Variants in VPS37C observed in about 807,000 individuals in gnomAD.
VPS37C encodes VPS37C subunit of ESCRT-I.
Under a neutral mutation model 16.1 loss-of-function variants are expected in VPS37C, and 9 were observed. The ratio of observed to expected loss-of-function variants is 0.56; its 90% CI spans 0.34 to 0.97. VPS37C has a LOEUF of 0.97. Among genes scored for constraint, VPS37C ranks in the 50% least tolerant of loss-of-function variants. The pLI is 0.02. For synonymous variants in VPS37C, 207 were observed against 206.4 expected (o/e 1.00, Z -0.02); for missense variants, 479 against 472.7 (o/e 1.01, Z -0.12).
chr11:61,138,918 A>T (rs1861427015), intron 1 of VPS37C, 83 bp from the exon 2 acceptor site: 1 of 1,315,676 alleles, frequency 7.6e-7, no homozygotes, highest in Non-Finnish European at 1.1e-6. Context: ...ATTTATCAAA[A>T]ACAAACTGGA....
At chr11:61,146,026 T>C (rs913043489) in intron 1 of VPS37C, among the ~76,000 whole-genome samples, 19 of 152,204 alleles carry the variant, frequency 1.2e-4, no homozygotes, top group African/African-American at 4.6e-4. Context: ...GGAGAATGTC[T>C]CACTCATCTT....
At chr11:61,159,168 C>T (rs902813834) in intron 1 of VPS37C, among the ~76,000 whole-genome samples, 1 of 152,156 alleles carries the variant, frequency 6.6e-6, no homozygotes, top group Non-Finnish European at 1.5e-5. Flanking sequence ...GGCAAATTAA[C>T]AAATTTCAAA....
At chr11:61,141,440 T>C (rs1184705704) in intron 1 of VPS37C, among the ~76,000 whole-genome samples, 1 of 151,436 alleles carries the variant, frequency 6.6e-6, no homozygotes, top group Non-Finnish European at 1.5e-5. Context: ...GCAGATGGCC[T>C]GGGCTGGAGC....
At position 61,132,503 on chromosome 11, in the gene VPS37C, G is replaced by A; in HGVS notation, c.385C>T (p.Leu129=). Residue 129 remains leucine (L), a synonymous_variant, in exon 5 of 5, where the codon CTG becomes TTG. Coordinates refer to ENST00000301765, the MANE Select transcript of VPS37C (RefSeq NM_017966.5). The part of the protein sequence containing the change: ...AEKFLEGEVP[L]ETFLENFSSM... The stretch of plus-strand genomic sequence containing the variant: ...GAAAAATTCTCCAGGAACGTTTCCA[G>A]GGGCACCTCGCCCTCCAGGAACTTC... 1 of 1,609,676 alleles carries A rather than the reference G, an allele frequency of 6.2e-7. No individual in the cohort carries two copies. Among genetic ancestry groups the A allele is most frequent in the South Asian group, 1.1e-5 (1 of 90,722 alleles).
chr11:61,147,063 G>A (rs530087), intron 1 of VPS37C, among the ~76,000 whole-genome samples: 112,556 of 151,676 alleles, frequency 0.74, 43,277 homozygotes, highest in East Asian at 1. Context: ...TCAACTCAAA[G>A]TTGTGAGAAA....
chr11:61,160,743 AG>A lies in VPS37C; in HGVS notation c.-7+647del, dbSNP rs543322329. ...AAGTGGGAAATCGCCTCATCGGCTGAGGAGGAAATGAAGAGGAACCAGGCAT... is the reference window on the plus strand; with the variant it reads ...AAGTGGGAAATCGCCTCATCGGCTGAGAGGAAATGAAGAGGAACCAGGCAT... On this transcript the variant is annotated intron_variant, in intron 1 of 4. Coordinates refer to ENST00000301765, the MANE Select transcript of VPS37C (RefSeq NM_017966.5). Among the ~76,000 whole-genome samples the A allele has an allele frequency of 1.3e-4, 20 of 152,316 alleles. No homozygotes were observed. The East Asian group carries it at 3.7e-3, about 28-fold the overall frequency.
intron 1 of VPS37C, among the ~76,000 whole-genome samples, chr11:61,149,378 T>C (rs1853264726): frequency 6.6e-6 from 1 of 152,214 alleles, no homozygotes; most frequent in Admixed American, 6.5e-5. Flanking sequence ...TCACTAGCTA[T>C]ATCACCATGG....
At chr11:61,159,511 G>A (rs938470823) in intron 1 of VPS37C, among the ~76,000 whole-genome samples, 5 of 152,052 alleles carry the variant, frequency 3.3e-5, no homozygotes, top group African/African-American at 1.2e-4. Flanking sequence ...AATCTCACTT[G>A]TGGCCAGACG....
intron 1 of VPS37C, among the ~76,000 whole-genome samples, chr11:61,140,834 C>G (rs1199279685): frequency 6.6e-6 from 1 of 152,202 alleles, no homozygotes; most frequent in Non-Finnish European, 1.5e-5. Flanking sequence ...GTTACAGTCA[C>G]AGCCAGCAAA....
At chr11:61,157,075 CTTTTT>C (rs1168209603) in intron 1 of VPS37C, among the ~76,000 whole-genome samples, 2 of 152,218 alleles carry the variant, frequency 1.3e-5, no homozygotes, top group Non-Finnish European at 1.5e-5. Context: ...ACGTTCTTTC[CTTTTT>C]AAGACTGAAT....
chr11:61,147,590 A>G (rs1853232147), intron 1 of VPS37C, among the ~76,000 whole-genome samples: 1 of 149,074 alleles, frequency 6.7e-6, no homozygotes, highest in Non-Finnish European at 1.5e-5. Context: ...ATCTGTTTTT[A>G]TCGGGGAAAA....
intron 1 of VPS37C, among the ~76,000 whole-genome samples, chr11:61,139,114 T>A (rs1861430320): frequency 6.6e-6 from 1 of 151,768 alleles, no homozygotes; most frequent in Non-Finnish European, 1.5e-5. Flanking sequence ...AATCCTCGGG[T>A]GCTAGATGGA....
At chr11:61,136,159 A>G (rs1308161198) in intron 2 of VPS37C, among the ~76,000 whole-genome samples, 1 of 133,434 alleles carries the variant, frequency 7.5e-6, no homozygotes, top group Non-Finnish European at 1.5e-5. Context: ...CCTTAATTAC[A>G]CATTTTTTTT....
chr11:61,137,025 A>C (rs568787930), intron 2 of VPS37C, among the ~76,000 whole-genome samples: 2 of 152,302 alleles, frequency 1.3e-5, no homozygotes, highest in East Asian at 3.9e-4. Context: ...CAAAAATTAA[A>C]AAAAGTTGCA....
In VPS37C at chr11:61,131,832, C is replaced by A; in HGVS notation, c.1056G>T (p.Trp352Cys). ...GCCAGGAGTGTGTCTAATACCCAGG[C>A]CAGGCAGGCCCCGGCGGTGGTGGGA... ...YGFPPPPGPA[W>C]PGY is the part of the protein sequence containing the mutation. Residue 352 changes from tryptophan (W) to cysteine (C), a missense_variant, in exon 5 of 5, where the codon TGG becomes TGT. Physicochemically the swap from Trp to Cys is radical, Grantham distance 215 (BLOSUM62 -2). Transcript: ENST00000301765. The A allele has an allele frequency of 7.9e-7, 1 of 1,260,510 alleles. No homozygotes were observed. The highest frequency in any genetic ancestry group is 1.0e-6 in the Non-Finnish European group (1 of 997,968). 78.1% of individuals were successfully genotyped at this position (1,260,510 alleles called of 1,614,324 possible).
intron 1 of VPS37C, among the ~76,000 whole-genome samples, chr11:61,142,199 C>A (rs1422784591): frequency 6.6e-6 from 1 of 152,224 alleles, no homozygotes; most frequent in Non-Finnish European, 1.5e-5. Context: ...TGGATTATAG[C>A]TATCGGTATT....
intron 1 of VPS37C, among the ~76,000 whole-genome samples, chr11:61,157,431 C>A (rs1853395215): frequency 6.9e-6 from 1 of 144,404 alleles, no homozygotes; most frequent in Non-Finnish European, 1.5e-5. Flanking sequence ...TTTCAATAGC[C>A]ATCCTAATGG....
Position 61,132,387 on chromosome 11 carries a change from G to T in VPS37C, c.501C>A (p.Ala167=), listed in dbSNP as rs558890134. The T allele has an allele frequency of 1.9e-6, 3 of 1,603,398 alleles. No homozygotes were observed. Among genetic ancestry groups the T allele is most frequent in the African/African-American group, 1.3e-5 (1 of 74,772 alleles). The change falls in exon 5 of 5, where the codon GCC becomes GCA. Residue 167 remains alanine (A), a synonymous_variant. Transcript: ENST00000301765. ...VRKPRASQEL[A]GDAPPPRPPP... ...GTGGACGGGGTGGAGGGGCATCGCCGGCCAGCTCCTGGGAAGCCCTGGGCT... is the reference window on the plus strand; with the variant it reads ...GTGGACGGGGTGGAGGGGCATCGCCTGCCAGCTCCTGGGAAGCCCTGGGCT...
At position 61,132,037 on chromosome 11, in the gene VPS37C, T is replaced by C; in HGVS notation, c.851A>G (p.Tyr284Cys). 2.2e-6 allele frequency: 3 copies of C among 1,378,978 alleles called. No homozygotes were observed. Among genetic ancestry groups the C allele is most frequent in the Non-Finnish European group, 2.8e-6 (3 of 1,062,318 alleles). The allele number at this position is 1,378,978 out of a possible 1,614,324, so 85.4% of individuals were successfully genotyped here. Reference protein sequence around the residue: ...GTPMGASGPGYPLRGGRAPSP... With the variant: ...GTPMGASGPGCPLRGGRAPSP... ...GGGGGCCCTGCCTCCCCGCAAGGGG[T>C]ACCCAGGCCCAGAGGCACCCATTGG... Residue 284 changes from tyrosine (Y) to cysteine (C), a missense_variant, in exon 5 of 5, where the codon TAC (tyrosine) becomes TGC (cysteine). Tyr to Cys is a radical substitution (Grantham distance 194). Transcript: ENST00000301765.
Sources: gnomAD v4.1 joint callset for allele counts (sites outside exome capture counted in the v4.1 genomes callset) on GRCh38, gnomAD v4.1.1 for gene constraint, MANE v1.5 for transcripts, NCBI Gene and HGNC (gene_info 2026-07-23, HGNC 2026-07-21) for gene names.